Variants in PRSS38 observed in about 807,000 individuals in gnomAD.
The protein encoded by PRSS38 is marapsin 2.
In PRSS38, 22 loss-of-function variants were observed where a neutral mutation model predicts 26.8. The observed-to-expected ratio is 0.82, with a 90% CI of 0.59 to 1.17. The LOEUF (loss-of-function observed/expected upper bound fraction) is 1.17, where lower values mean the gene tolerates loss of function less well. Among genes scored for constraint, PRSS38 ranks in the 50% most tolerant of loss-of-function variants. PRSS38 has a pLI of 0.00. For synonymous variants in PRSS38, 175 were observed against 172.1 expected, an observed-to-expected ratio of 1.02 and a Z score of -0.13; for missense variants, 427 against 422.7, an observed-to-expected ratio of 1.01 and a Z score of -0.09.
At chr1:227,819,924 A>G (rs1423499286) in intron 3 of PRSS38, among the ~76,000 whole-genome samples, 12 of 152,002 alleles carry the variant, frequency 7.9e-5, no homozygotes, top group Non-Finnish European at 1.3e-4. Context: ...CCCCGTCTCT[A>G]CTAAAAATAT....
chr1:227,846,311 A>G (rs3795766), exon 5 of PRSS38: 14,433 of 1,430,640 alleles, frequency 0.01, 510 homozygotes, highest in African/African-American at 0.076. Context: ...TCTGAAGCAG[A>G]CAAGGGCCAC....
intron 3 of PRSS38, among the ~76,000 whole-genome samples, chr1:227,825,894 T>C (rs1207604964): frequency 1.3e-5 from 2 of 152,206 alleles, no homozygotes; most frequent in African/African-American, 2.4e-5. Context: ...AATTTTAAAA[T>C]AGTTTTCTTC....
exon 5 of PRSS38, chr1:227,846,291 T>C (rs1301332343): frequency 1.3e-6 from 2 of 1,534,280 alleles, no homozygotes; most frequent in East Asian, 4.5e-5. Context: ...GCATCTCCTG[T>C]CCTGGCCTCT....
At chr1:227,826,744 G>A (rs1173246859) in intron 3 of PRSS38, among the ~76,000 whole-genome samples, 1 of 151,958 alleles carries the variant, frequency 6.6e-6, no homozygotes, top group Non-Finnish European at 1.5e-5. Flanking sequence ...GTGAGAGAGG[G>A]CATTCTCTTG....
intron 3 of PRSS38, among the ~76,000 whole-genome samples, chr1:227,832,825 C>A (rs898213512): frequency 1.6e-4 from 24 of 152,248 alleles, no homozygotes; most frequent in Middle Eastern, 3.4e-3. Context: ...TTTTTAAAAT[C>A]CAGCCAAGTG....
chr1:227,844,434 G>A (rs543167101), intron 3 of PRSS38, among the ~76,000 whole-genome samples: 5 of 151,204 alleles, frequency 3.3e-5, no homozygotes, highest in South Asian at 2.1e-4. Context: ...CTCTATGTGC[G>A]GTGAGACTCC....
Position 227,815,881 on chromosome 1 carries a change from G to C in PRSS38, c.148+17G>C, listed in dbSNP as rs1483032238. On this transcript the variant is annotated intron_variant, in intron 1 of 4. Transcript: ENST00000366757. ...GCAGCGTGGGTAGGCCCTGCCCCAG[G>C]GGCGGATGGGCGGCTGGAGACAGTG... 6.3e-7 allele frequency: 1 copy of C among 1,585,716 alleles called. No individual in the cohort carries two copies. Among genetic ancestry groups the C allele is most frequent in the Admixed American group, 1.7e-5 (1 of 58,364 alleles).
rs753345701 is a variant in PRSS38 at position 227,846,083 on chromosome 1, A to T, written c.856A>T (p.Lys286Ter). ...GTATGCCAGTGTTTCCTATTTCTCA[A>T]AATGGATATGTGATAACATAGAAAT... Residue 286 changes from lysine (K) to a stop codon, truncating the protein, a stop_gained, in exon 5 of 5, where the codon AAA becomes TAA. Transcript: ENST00000366757. LOFTEE classifies it low-confidence loss of function (END_TRUNC). 33 of 1,614,078 alleles carry T rather than the reference A, an allele frequency of 2.0e-5. No homozygotes were observed. Among genetic ancestry groups the T allele is most frequent in the Non-Finnish European group, 2.7e-5 (32 of 1,180,042 alleles).
At chr1:227,835,960 A>G (rs1323304826) in intron 3 of PRSS38, among the ~76,000 whole-genome samples, 1 of 152,200 alleles carries the variant, frequency 6.6e-6, no homozygotes, top group Non-Finnish European at 1.5e-5. Flanking sequence ...AGTGCTGTCC[A>G]GGTGTGGTGG....
At chr1:227,838,441 G>C (rs1665269832) in intron 3 of PRSS38, among the ~76,000 whole-genome samples, 1 of 152,188 alleles carries the variant, frequency 6.6e-6, no homozygotes, top group South Asian at 2.1e-4. Flanking sequence ...CTAGTGGTCA[G>C]AGCCAGCATG....
At position 227,819,914 on chromosome 1, in the gene PRSS38, C is replaced by A. The variant is rs557141946; in HGVS notation, c.583+2434C>A. On this transcript the variant is annotated intron_variant, in intron 3 of 4. Coordinates refer to ENST00000366757, the Ensembl canonical transcript of PRSS38. Reference sequence around the variant, plus strand: ...GACTATCCTGGCCAACATGGTGAAACCCCGTCTCTACTAAAAATATAAAAA... The same window carrying A: ...GACTATCCTGGCCAACATGGTGAAAACCCGTCTCTACTAAAAATATAAAAA... Among the ~76,000 whole-genome samples, 351 of 151,970 alleles carry A rather than the reference C, an allele frequency of 2.3e-3. 3 individuals are homozygous for A. The highest frequency in any genetic ancestry group is 3.4e-3 in the Non-Finnish European group (229 of 67,966).
At chr1:227,822,955 A>G (rs1480697646) in intron 3 of PRSS38, among the ~76,000 whole-genome samples, 24 of 152,006 alleles carry the variant, frequency 1.6e-4, no homozygotes, top group Admixed American at 1.6e-3. Context: ...TTTTATTTTT[A>G]TAGATTTAGG....
chr1:227,846,120 C>T, exon 5 of PRSS38: 1 of 1,614,144 alleles, frequency 6.2e-7, no homozygotes, highest in Non-Finnish European at 8.5e-7. Flanking sequence ...ACGCCCACTC[C>T]TGCTCAGCCA....
intron 3 of PRSS38, among the ~76,000 whole-genome samples, chr1:227,822,498 G>C (rs761557738): frequency 9.2e-5 from 14 of 152,102 alleles, no homozygotes; most frequent in Non-Finnish European, 1.8e-4. Flanking sequence ...GTTAACTCTG[G>C]AAATAAGATT....
intron 3 of PRSS38, among the ~76,000 whole-genome samples, chr1:227,841,233 A>G (rs1665332947): frequency 6.6e-6 from 1 of 152,244 alleles, no homozygotes; most frequent in African/African-American, 2.4e-5. Flanking sequence ...ACTCTGCCCC[A>G]TGCAACTGTC....
At chr1:227,829,213 A>C (rs1368464499) in intron 3 of PRSS38, among the ~76,000 whole-genome samples, 1 of 151,980 alleles carries the variant, frequency 6.6e-6, no homozygotes, top group Non-Finnish European at 1.5e-5. Flanking sequence ...GCTGCTTCCA[A>C]TTGGCCATTT....
At chr1:227,840,199 G>A (rs1665316543) in intron 3 of PRSS38, among the ~76,000 whole-genome samples, 2 of 152,102 alleles carry the variant, frequency 1.3e-5, no homozygotes, top group South Asian at 4.1e-4. Flanking sequence ...ATAGCTCACT[G>A]AGGCCTCAAA....
intron 3 of PRSS38, among the ~76,000 whole-genome samples, chr1:227,835,903 A>G (rs917413708): frequency 1.3e-5 from 2 of 152,196 alleles, no homozygotes; most frequent in African/African-American, 2.4e-5. Flanking sequence ...TGTCTGCTTT[A>G]AAATGCTTAA....
chr1:227,824,031 T>A (rs535852502), intron 3 of PRSS38, among the ~76,000 whole-genome samples: 5 of 152,220 alleles, frequency 3.3e-5, no homozygotes, highest in Admixed American at 6.5e-5. Flanking sequence ...GATCTCTATA[T>A]AGTTTTCAAT....
Sources: allele counts gnomAD v4.1 joint callset (sites outside exome capture counted in the v4.1 genomes callset), GRCh38; gene constraint gnomAD v4.1.1; transcripts MANE v1.5; gene names NCBI Gene and HGNC (gene_info 2026-07-23, HGNC 2026-07-21).